STK32C: variants seen among roughly 807,000 people sequenced by gnomAD.
The protein encoded by STK32C is serine/threonine kinase 32C.
STK32C carries 31 observed loss-of-function variants against 56.5 expected under a neutral mutation model. The observed-to-expected ratio is 0.55, with a 90% CI of 0.41 to 0.74. The LOEUF is 0.74. STK32C is among the 30% of genes least tolerant of loss of function. STK32C has a pLI of 0.00. For synonymous variants in STK32C, 309 were observed against 289.4 expected, an observed-to-expected ratio of 1.07 and a Z score of -0.69; for missense variants, 544 against 676.9, an observed-to-expected ratio of 0.80 and a Z score of 2.18.
At chr10:132,253,825 T>C (rs893706516) in intron 1 of STK32C, among the ~76,000 whole-genome samples, 1 of 152,178 alleles carries the variant, frequency 6.6e-6, no homozygotes, top group Non-Finnish European at 1.5e-5. Context: ...ATTTCAACAC[T>C]TTTCCCCAAG....
intron 1 of STK32C, among the ~76,000 whole-genome samples, chr10:132,296,936 C>T (rs2065766554): frequency 6.6e-6 from 1 of 152,228 alleles, no homozygotes; most frequent in Non-Finnish European, 1.5e-5. Context: ...GAGACCACGG[C>T]AGGGGGTGCA....
upstream of STK32C, among the ~76,000 whole-genome samples, chr10:132,312,157 A>C (rs2066235674): frequency 6.6e-6 from 1 of 151,864 alleles, no homozygotes; most frequent in Non-Finnish European, 1.5e-5. Flanking sequence ...TAGATCCATG[A>C]CCCCACCCCT....
intron 2 of STK32C, among the ~76,000 whole-genome samples, chr10:132,242,654 G>GC (rs1268577942): frequency 6.6e-6 from 1 of 152,110 alleles, no homozygotes; most frequent in African/African-American, 2.4e-5. Flanking sequence ...CCCCCATGCG[G>GC]CCCCCCGCGC....
chr10:132,262,620 G>A lies in STK32C; in HGVS notation c.263-16665C>T, dbSNP rs981268360. On this transcript the variant is annotated intron_variant, in intron 1 of 11. Transcript: ENST00000298630. Reference sequence around the variant, plus strand: ...CAAACAAATAAACCTATTAAAAAACGGGTAAGATACAGCTGGGCACAGTGG... The same window carrying A: ...CAAACAAATAAACCTATTAAAAAACAGGTAAGATACAGCTGGGCACAGTGG... 5.9e-5 allele frequency among the ~76,000 whole-genome samples: 9 copies of A among 152,024 alleles called. No individual in the cohort carries two copies. In the East Asian group the frequency reaches 9.7e-4, roughly 16 times the overall value.
chr10:132,275,354 C>T (rs1316383731), intron 1 of STK32C, among the ~76,000 whole-genome samples: 1 of 152,160 alleles, frequency 6.6e-6, no homozygotes, highest in African/African-American at 2.4e-5. Flanking sequence ...GTGCAAGAGG[C>T]CGAGGGAAGG....
intron 10 of STK32C, among the ~76,000 whole-genome samples, chr10:132,217,476 A>G (rs117437808): frequency 0.12 from 17,627 of 152,228 alleles, 1,382 homozygotes; most frequent in South Asian, 0.16. Flanking sequence ...AGTTAATGCC[A>G]AAATAAGACT....
chr10:132,221,728 G>C (rs531860662), intron 10 of STK32C, among the ~76,000 whole-genome samples: 3 of 141,116 alleles, frequency 2.1e-5, no homozygotes, highest in African/African-American at 8.1e-5. Context: ...CGAGTGTGAG[G>C]GCTTCACATG....
At position 132,207,702 on chromosome 10, in the gene STK32C, CAA is replaced by C. The variant is rs2062143819; in HGVS notation, c.*306_*307del. 3 of 282,338 alleles carry C rather than the reference CAA, an allele frequency of 1.1e-5. No individual in the cohort carries two copies. Among genetic ancestry groups the C allele is most frequent in the African/African-American group, 2.2e-5 (1 of 45,958 alleles). 17.5% of individuals were successfully genotyped at this position (282,338 alleles called of 1,614,324 possible). A position where few individuals can be genotyped will look rare whatever the true frequency, so the allele number is the denominator to read the frequency against. On this transcript the variant is annotated 3_prime_UTR_variant, in exon 12 of 12. Coordinates refer to ENST00000298630, the MANE Select transcript of STK32C (RefSeq NM_173575.4). ...GCACAGCCTCCGGGCTGAGCAGGGACAAAGACTCCTGTCCCATCCATGGCCCC... is the reference window on the plus strand; with the variant it reads ...GCACAGCCTCCGGGCTGAGCAGGGACAGACTCCTGTCCCATCCATGGCCCC...
intron 1 of STK32C, among the ~76,000 whole-genome samples, chr10:132,258,086 G>T (rs111522545): frequency 6.6e-6 from 1 of 152,166 alleles, no homozygotes; most frequent in African/African-American, 2.4e-5. Flanking sequence ...GATGAATGCC[G>T]GCTGAGTGGC....
intron 1 of STK32C, among the ~76,000 whole-genome samples, chr10:132,287,545 G>A (rs368764472): frequency 5.3e-5 from 8 of 151,184 alleles, no homozygotes; most frequent in South Asian, 2.1e-4. Flanking sequence ...TCCACCTCCC[G>A]GGTTCAAGTG....
At chr10:132,240,101 C>T (rs1448068403) in intron 2 of STK32C, among the ~76,000 whole-genome samples, 3 of 150,710 alleles carry the variant, frequency 2.0e-5, no homozygotes, top group Non-Finnish European at 4.5e-5. Context: ...CCAGGGAAGC[C>T]CCCCCAGGGC....
chr10:132,293,666 G>C (rs980110470), intron 1 of STK32C, among the ~76,000 whole-genome samples: 1 of 152,218 alleles, frequency 6.6e-6, no homozygotes, highest in South Asian at 2.1e-4. Context: ...GGGAACGCAG[G>C]GCAGGCAGGG....
chr10:132,304,992 C>G (rs986633166), intron 1 of STK32C, among the ~76,000 whole-genome samples: 1 of 152,180 alleles, frequency 6.6e-6, no homozygotes, highest in Admixed American at 6.5e-5. Context: ...GGGAAGGTAC[C>G]GGAGCCTCCT....
chr10:132,300,348 C>T (rs2138362876), intron 1 of STK32C, among the ~76,000 whole-genome samples: 1 of 152,184 alleles, frequency 6.6e-6, no homozygotes, highest in South Asian at 2.1e-4. Context: ...GGGCCGGAGC[C>T]CAGAAGGAAG....
At chr10:132,285,235 C>A (rs1274923559) in intron 1 of STK32C, among the ~76,000 whole-genome samples, 1 of 151,984 alleles carries the variant, frequency 6.6e-6, no homozygotes, top group African/African-American at 2.4e-5. Context: ...CATTCCCACA[C>A]CTGCCTGTGG....
chr10:132,251,874 C>T (rs1468062915), intron 1 of STK32C, among the ~76,000 whole-genome samples: 1 of 148,436 alleles, frequency 6.7e-6, no homozygotes, highest in African/African-American at 2.5e-5. Context: ...GCCTCAGACC[C>T]TCCACTACTC....
intron 1 of STK32C, among the ~76,000 whole-genome samples, chr10:132,282,314 TC>T (rs2065238609): frequency 1.3e-5 from 2 of 152,004 alleles, no homozygotes; most frequent in African/African-American, 4.8e-5. Context: ...CCGTCCAGAG[TC>T]GCTGCTGGAA....
chr10:132,232,227 A>G (rs983078850), intron 2 of STK32C, among the ~76,000 whole-genome samples: 6 of 152,026 alleles, frequency 3.9e-5, no homozygotes, highest in Non-Finnish European at 7.4e-5. Context: ...TATCACTAGG[A>G]CCCGCCCTCT....
chr10:132,219,095 T>C (rs1345209888), intron 10 of STK32C, among the ~76,000 whole-genome samples: 1 of 152,158 alleles, frequency 6.6e-6, no homozygotes, highest in Non-Finnish European at 1.5e-5. Flanking sequence ...TTCTCTTACA[T>C]TACATGAAAA....
Sources: allele counts gnomAD v4.1 joint callset (sites outside exome capture counted in the v4.1 genomes callset), GRCh38; gene constraint gnomAD v4.1.1; transcripts MANE v1.5; gene names NCBI Gene and HGNC (gene_info 2026-07-23, HGNC 2026-07-21).